The following LHFPL6 variants were observed in gnomAD, a reference collection of about 807,000 sequenced individuals.
LHFPL6 encodes LHFPL tetraspan subfamily member 6.
A neutral mutation model predicts 20.6 loss-of-function variants in LHFPL6; 9 were observed. That is an observed-to-expected ratio of 0.44 (90% CI 0.26 to 0.76). The LOEUF (loss-of-function observed/expected upper bound fraction) is 0.76. Ranked by LOEUF, LHFPL6 falls within the 30% of genes least tolerant of loss-of-function variation. The probability of loss-of-function intolerance (pLI) is 0.20; values close to 1 mark genes in which losing one functional copy is unlikely to be tolerated. For synonymous variants in LHFPL6, 105 were observed against 98.7 expected, an observed-to-expected ratio of 1.06 and a Z score of -0.38; for missense variants, 218 against 253.5, an observed-to-expected ratio of 0.86 and a Z score of 0.95.
intron 2 of LHFPL6, among the ~76,000 whole-genome samples, chr13:39,576,815 T>C (rs1872131710): frequency 6.6e-6 from 1 of 152,164 alleles, no homozygotes; most frequent in Admixed American, 6.5e-5. Context: ...AACAAATTTT[T>C]TTTCTAGAGA....
At chr13:39,471,769 T>A (rs1872954153) in intron 2 of LHFPL6, among the ~76,000 whole-genome samples, 1 of 152,238 alleles carries the variant, frequency 6.6e-6, no homozygotes, top group African/African-American at 2.4e-5. Flanking sequence ...GGAACTAGAA[T>A]TCATTTTTAT....
intron 2 of LHFPL6, among the ~76,000 whole-genome samples, chr13:39,505,099 C>G (rs1869429686): frequency 6.6e-6 from 1 of 152,124 alleles, no homozygotes; most frequent in African/African-American, 2.4e-5. Context: ...ACACCTTTTT[C>G]TCTTAAACAT....
rs1211268289 is a variant in LHFPL6, at chr13:39,343,668, C to CTG, written c.*266_*267dup. ...GTGTGTGTTGTACATTAACAATACT[C>CTG]TGTGGAATAGAAACACCCGATGCCC... On this transcript the variant is annotated 3_prime_UTR_variant, in exon 4 of 4. Transcript: ENST00000379589. The CTG allele has an allele frequency of 1.9e-5, 7 of 359,070 alleles. No individual in the cohort carries two copies. The highest frequency in any genetic ancestry group is 3.6e-5 in the Non-Finnish European group (7 of 195,434). 22.2% of individuals were successfully genotyped at this position (359,070 alleles called of 1,614,324 possible).
intron 2 of LHFPL6, among the ~76,000 whole-genome samples, chr13:39,485,795 TCCTATA>T (rs1294903598): frequency 6.6e-6 from 1 of 152,160 alleles, no homozygotes; most frequent in African/African-American, 2.4e-5. Flanking sequence ...TGCTTTGACC[TCCTATA>T]ACATTTATAC....
chr13:39,560,400 T>C (rs59893299), intron 2 of LHFPL6, among the ~76,000 whole-genome samples: 4,177 of 152,076 alleles, frequency 0.027, 197 homozygotes, highest in African/African-American at 0.096. Context: ...CCCAAGCCTG[T>C]GGAAGTCTAA....
intron 2 of LHFPL6, among the ~76,000 whole-genome samples, chr13:39,492,432 C>T (rs1258036815): frequency 2.0e-5 from 3 of 152,108 alleles, no homozygotes; most frequent in Admixed American, 1.3e-4. Context: ...TAGTTAAATG[C>T]TTTTAGAAAT....
chr13:39,569,501 T>C (rs1871845857), intron 2 of LHFPL6, among the ~76,000 whole-genome samples: 1 of 152,178 alleles, frequency 6.6e-6, no homozygotes, highest in Non-Finnish European at 1.5e-5. Context: ...CAAATGGTAT[T>C]ATTAACCAGA....
At chr13:39,561,921 T>C (rs1395699992) in intron 2 of LHFPL6, among the ~76,000 whole-genome samples, 1 of 152,192 alleles carries the variant, frequency 6.6e-6, no homozygotes. Flanking sequence ...ATGAGAAAAC[T>C]GAAGCTAGAG....
chr13:39,452,520 T>C (rs1424892605), intron 2 of LHFPL6, among the ~76,000 whole-genome samples: 1 of 152,202 alleles, frequency 6.6e-6, no homozygotes, highest in African/African-American at 2.4e-5. Context: ...AAATGTAAAG[T>C]GGAGCAGTAG....
intron 2 of LHFPL6, among the ~76,000 whole-genome samples, 159 bp from the exon 3 acceptor site, chr13:39,378,685 CCAA>C (rs1334114104): frequency 2.6e-5 from 4 of 152,126 alleles, no homozygotes; most frequent in Non-Finnish European, 1.5e-5. Context: ...CAGTTTGACT[CCAA>C]CAACAATTTC....
intron 2 of LHFPL6, among the ~76,000 whole-genome samples, chr13:39,586,815 A>T (rs1872462519): frequency 6.6e-6 from 1 of 152,194 alleles, no homozygotes; most frequent in South Asian, 2.1e-4. Flanking sequence ...TTCCTAAGTC[A>T]GGTGCACCCA....
At chr13:39,473,274 GA>G (rs2138438518) in intron 2 of LHFPL6, among the ~76,000 whole-genome samples, 1 of 150,984 alleles carries the variant, frequency 6.6e-6, no homozygotes, top group East Asian at 1.9e-4. Context: ...TGTGCTTTAA[GA>G]ACCAAAGTTC....
chr13:39,500,551 G>A (rs1220339217), intron 2 of LHFPL6, among the ~76,000 whole-genome samples: 4 of 152,002 alleles, frequency 2.6e-5, no homozygotes, highest in Admixed American at 1.3e-4. Context: ...CACCGTGCCC[G>A]GCCCCCATCT....
At chr13:39,460,012 A>T in intron 2 of LHFPL6, among the ~76,000 whole-genome samples, 1 of 152,246 alleles carries the variant, frequency 6.6e-6, no homozygotes, top group African/African-American at 2.4e-5. Flanking sequence ...AAAAAAAAAG[A>T]TATATGTCTT....
intron 2 of LHFPL6, among the ~76,000 whole-genome samples, chr13:39,508,600 T>G (rs908884462): frequency 6.6e-6 from 1 of 152,228 alleles, no homozygotes; most frequent in Non-Finnish European, 1.5e-5. Context: ...TCTTTTTGTT[T>G]TGCTTCTTTC....
chr13:39,588,751 G>A (rs1354611656), intron 2 of LHFPL6, among the ~76,000 whole-genome samples: 1 of 152,192 alleles, frequency 6.6e-6, no homozygotes, highest in Non-Finnish European at 1.5e-5. Context: ...CTTGTAGATA[G>A]AAGTGTTGCT....
Position 39,506,412 on chromosome 13 carries a change from C to T in LHFPL6, c.385+94420G>A, listed in dbSNP as rs755230787. On this transcript the variant is annotated intron_variant, in intron 2 of 3. Coordinates refer to ENST00000379589, the MANE Select transcript of LHFPL6 (RefSeq NM_005780.3). Reference sequence around the variant, plus strand: ...AAAGGACCTCAGAGAAGATAGTAAACATTTGTCAAAGTTGAGTCCCATGGG... The same window carrying T: ...AAAGGACCTCAGAGAAGATAGTAAATATTTGTCAAAGTTGAGTCCCATGGG... Among the ~76,000 whole-genome samples, 25 of 152,174 alleles carry T rather than the reference C, an allele frequency of 1.6e-4. 1 individual carries two copies. The highest frequency in any genetic ancestry group is 2.8e-4 in the Non-Finnish European group (19 of 68,026).
chr13:39,352,955 ATACATACACACACACAC>A (rs1869627475), intron 3 of LHFPL6, among the ~76,000 whole-genome samples: 2 of 83,572 alleles, frequency 2.4e-5, no homozygotes, highest in African/African-American at 9.6e-5. Context: ...ATATATATAC[ATACATACACACACACAC>A]ATATATATAT....
chr13:39,593,816 T>C (rs1270896401), intron 2 of LHFPL6, among the ~76,000 whole-genome samples: 2 of 152,026 alleles, frequency 1.3e-5, no homozygotes, highest in Non-Finnish European at 2.9e-5. Context: ...ACGCCGCATA[T>C]CTACAACTAT....
Sources: allele counts gnomAD v4.1 joint callset (sites outside exome capture counted in the v4.1 genomes callset), GRCh38; gene constraint gnomAD v4.1.1; transcripts MANE v1.5; gene names NCBI Gene and HGNC (gene_info 2026-07-23, HGNC 2026-07-21).